ZSWIM5: variants seen among roughly 807,000 people sequenced by gnomAD.
The protein encoded by ZSWIM5 is zinc finger SWIM domain-containing protein 5.
In ZSWIM5, 55 loss-of-function variants were observed where a neutral mutation model predicts 119.6. The ratio of observed to expected loss-of-function variants is 0.46; its 90% CI spans 0.37 to 0.58. ZSWIM5 has a LOEUF of 0.58. Among genes scored for constraint, ZSWIM5 ranks in the 20% least tolerant of loss-of-function variants. The pLI is 0.00. For missense variants in ZSWIM5, 1,193 were observed against 1,512.8 expected (o/e 0.79, Z 3.51); for synonymous variants, 537 against 606.9 (o/e 0.88, Z 1.69).
chr1:45,034,904 C>T (rs1040033626), intron 10 of ZSWIM5, among the ~76,000 whole-genome samples: 4 of 152,138 alleles, frequency 2.6e-5, no homozygotes, highest in Non-Finnish European at 5.9e-5. Context: ...ACCTCAGTCT[C>T]TTGAGTAGCT....
chr1:45,049,709 G>A (rs1645078803), intron 5 of ZSWIM5, among the ~76,000 whole-genome samples: 1 of 152,146 alleles, frequency 6.6e-6, no homozygotes. Context: ...AACTACTCGG[G>A]AAGCTGAGGC....
intron 2 of ZSWIM5, among the ~76,000 whole-genome samples, chr1:45,079,330 T>A (rs346697): frequency 0.14 from 21,331 of 152,176 alleles, 1,550 homozygotes; most frequent in Non-Finnish European, 0.16. Flanking sequence ...TGTTTGGTGG[T>A]CTCTTCACAT....
intron 6 of ZSWIM5, among the ~76,000 whole-genome samples, chr1:45,042,155 A>T (rs1185195602): frequency 1.3e-5 from 2 of 152,170 alleles, no homozygotes; most frequent in Non-Finnish European, 2.9e-5. Flanking sequence ...GAATTCCTGG[A>T]TCACATGGGA....
chr1:45,075,634 C>T (rs185340228), intron 2 of ZSWIM5, among the ~76,000 whole-genome samples: 6 of 151,646 alleles, frequency 4.0e-5, no homozygotes, highest in African/African-American at 1.4e-4. Context: ...TAACAGATCA[C>T]TGGGTCTAAT....
chr1:45,174,570 T>TA (rs36017471), intron 1 of ZSWIM5, among the ~76,000 whole-genome samples: 29,892 of 116,288 alleles, frequency 0.26, 3,949 homozygotes, highest in African/African-American at 0.41. Flanking sequence ...CCAACTCTAC[T>TA]AAAAAAAAAA....
intron 1 of ZSWIM5, among the ~76,000 whole-genome samples, chr1:45,141,117 C>T (rs374463274): frequency 2.0e-5 from 3 of 152,138 alleles, no homozygotes; most frequent in African/African-American, 7.2e-5. Context: ...GCAATCCTGT[C>T]GTGATGGCAG....
At chr1:45,180,142 C>T (rs994180271) in intron 1 of ZSWIM5, among the ~76,000 whole-genome samples, 9 of 152,166 alleles carry the variant, frequency 5.9e-5, no homozygotes, top group Non-Finnish European at 7.4e-5. Context: ...CTGACTCACT[C>T]GGGAAGCCCA....
At position 45,058,596 on chromosome 1, in the gene ZSWIM5, G is replaced by A. The variant is rs1645135890; in HGVS notation, c.1252+13C>T. ...GGTAGAACAAAGCACTTCTCTGAATGATGGGAACTTACCTAGCTCATCCCA... is the reference window on the plus strand; with the variant it reads ...GGTAGAACAAAGCACTTCTCTGAATAATGGGAACTTACCTAGCTCATCCCA... On this transcript the variant is annotated intron_variant, in intron 4 of 13. Coordinates refer to ENST00000359600, the MANE Select transcript of ZSWIM5 (RefSeq NM_020883.2). The A allele has an allele frequency of 2.5e-6, 4 of 1,613,990 alleles. No individual in the cohort carries two copies. The African/African-American group carries it at 5.3e-5, about 22-fold the overall frequency.
At chr1:45,139,008 C>A (rs765644532) in intron 1 of ZSWIM5, among the ~76,000 whole-genome samples, 1 of 150,866 alleles carries the variant, frequency 6.6e-6, no homozygotes, top group Non-Finnish European at 1.5e-5. Flanking sequence ...TTTCCAGCCT[C>A]GTAGCTGGGA....
chr1:45,194,010 AATAAT>A (rs1167036336), intron 1 of ZSWIM5, among the ~76,000 whole-genome samples: 1 of 152,072 alleles, frequency 6.6e-6, no homozygotes, highest in Admixed American at 6.6e-5. Context: ...TAAAGACTAC[AATAAT>A]ATAATATTCA....
intron 1 of ZSWIM5, among the ~76,000 whole-genome samples, chr1:45,172,968 A>T (rs2149045853): frequency 6.6e-6 from 1 of 152,186 alleles, no homozygotes; most frequent in South Asian, 2.1e-4. Context: ...ATTCGAGACC[A>T]GCCTGGGAAA....
At chr1:45,087,788 C>T (rs1426264580) in intron 2 of ZSWIM5, 93 bp downstream of exon 2, 1 of 879,328 alleles carries the variant, frequency 1.1e-6, no homozygotes, top group Non-Finnish European at 1.8e-6. Context: ...TCTTAACATG[C>T]AATAAAGCAA....
At chr1:45,107,785 CTTTCTTTTCTTTT>C (rs1274322072) in intron 1 of ZSWIM5, among the ~76,000 whole-genome samples, 3 of 151,246 alleles carry the variant, frequency 2.0e-5, no homozygotes, top group Non-Finnish European at 1.5e-5. Context: ...CCTTTTCTTT[CTTTCTTTTCTTTT>C]CTTATTTTTT....
intron 11 of ZSWIM5, among the ~76,000 whole-genome samples, chr1:45,026,715 A>G (rs902510373): frequency 2.0e-5 from 3 of 152,118 alleles, no homozygotes; most frequent in African/African-American, 7.2e-5. Flanking sequence ...TTTTGGTTTT[A>G]GAGTAATGCT....
At chr1:45,106,526 C>T (rs528045981) in intron 1 of ZSWIM5, among the ~76,000 whole-genome samples, 15 of 145,196 alleles carry the variant, frequency 1.0e-4, no homozygotes, top group Admixed American at 2.1e-4. Flanking sequence ...CGCCTCTGCC[C>T]GGCCGCCCAT....
chr1:45,101,484 G>A (rs1015782549), intron 1 of ZSWIM5, among the ~76,000 whole-genome samples: 2 of 152,186 alleles, frequency 1.3e-5, no homozygotes, highest in African/African-American at 4.8e-5. Context: ...ACAGTGTGGC[G>A]ATTCCTCAAG....
At chr1:45,116,398 CT>C (rs1431296284) in intron 1 of ZSWIM5, among the ~76,000 whole-genome samples, 2 of 152,166 alleles carry the variant, frequency 1.3e-5, no homozygotes, top group African/African-American at 4.8e-5. Flanking sequence ...TCTCCTCCTT[CT>C]AGCAAATGCT....
At chr1:45,082,260 C>T (rs1368348248) in intron 2 of ZSWIM5, among the ~76,000 whole-genome samples, 1 of 151,058 alleles carries the variant, frequency 6.6e-6, no homozygotes, top group Non-Finnish European at 1.5e-5. Context: ...CTGACCTTCC[C>T]TCCACTATTG....
intron 8 of ZSWIM5, among the ~76,000 whole-genome samples, chr1:45,037,986 T>G (rs574527510): frequency 1.3e-5 from 2 of 152,210 alleles, no homozygotes; most frequent in Non-Finnish European, 2.9e-5. Flanking sequence ...GATAAAGAAG[T>G]CATAATTTCT....
Sources: gnomAD v4.1 joint callset for allele counts (sites outside exome capture counted in the v4.1 genomes callset) on GRCh38, gnomAD v4.1.1 for gene constraint, MANE v1.5 for transcripts, NCBI Gene and HGNC (gene_info 2026-07-23, HGNC 2026-07-21) for gene names.